CCDC3: variants seen among roughly 807,000 people sequenced by gnomAD.
The protein encoded by CCDC3 is coiled-coil domain containing 3, also known as coiled-coil domain-containing protein 3.
In CCDC3, 24 loss-of-function variants were observed where a neutral mutation model predicts 21.4. The observed-to-expected ratio is 1.12, with a 90% CI of 0.81 to 1.58. The LOEUF (loss-of-function observed/expected upper bound fraction) is 1.58, where lower values mean the gene tolerates loss of function less well. Ranked by LOEUF, CCDC3 falls within the 40% of genes most tolerant of loss-of-function variation. The pLI is 0.00. For missense variants in CCDC3, 425 were observed against 360.9 expected, an observed-to-expected ratio of 1.18 and a Z score of -1.44; for synonymous variants, 186 against 166.0, an observed-to-expected ratio of 1.12 and a Z score of -0.93.
intron 2 of CCDC3, among the ~76,000 whole-genome samples, chr10:12,914,794 G>C (rs1310756025): frequency 1.3e-5 from 2 of 152,024 alleles, no homozygotes; most frequent in African/African-American, 2.4e-5. Flanking sequence ...TGTCAGTTTT[G>C]TCTTTTCAAA....
At chr10:13,071,578 C>G (rs1836882945) in intron 4 of CCDC3, among the ~76,000 whole-genome samples, 1 of 152,212 alleles carries the variant, frequency 6.6e-6, no homozygotes, top group Non-Finnish European at 1.5e-5. Context: ...ATATTCCCAT[C>G]CCTTAGGCCC....
intron 5 of CCDC3, among the ~76,000 whole-genome samples, chr10:13,031,079 G>A (rs1836294016): frequency 6.6e-6 from 1 of 152,066 alleles, no homozygotes; most frequent in Non-Finnish European, 1.5e-5. Flanking sequence ...TTCCAAAATT[G>A]ACCACATAGT....
At chr10:13,068,247 A>C (rs11258167) in intron 4 of CCDC3, among the ~76,000 whole-genome samples, 85,785 of 151,516 alleles carry the variant, frequency 0.57, 24,635 homozygotes, top group Admixed American at 0.64. Context: ...TTAAAAGGCA[A>C]CACCCGGAAG....
chr10:13,076,237 TAG>T (rs1836963242), intron 3 of CCDC3, among the ~76,000 whole-genome samples: 1 of 151,832 alleles, frequency 6.6e-6, no homozygotes. Flanking sequence ...AAACGAAAAA[TAG>T]AGAGGATAAA....
intron 2 of CCDC3, among the ~76,000 whole-genome samples, chr10:12,918,924 G>A (rs1175064864): frequency 6.6e-6 from 1 of 152,118 alleles, no homozygotes; most frequent in Non-Finnish European, 1.5e-5. Flanking sequence ...GCATGGTGGT[G>A]GGCGCCTGTA....
chr10:12,979,890 G>A (rs1221174656), intron 2 of CCDC3, among the ~76,000 whole-genome samples: 4 of 152,228 alleles, frequency 2.6e-5, no homozygotes, highest in East Asian at 3.9e-4. Flanking sequence ...AAGGGCACAG[G>A]CCTGTGCACT....
chr10:13,080,646 C>A (rs1837027610), intron 3 of CCDC3, among the ~76,000 whole-genome samples: 1 of 152,210 alleles, frequency 6.6e-6, no homozygotes, highest in Non-Finnish European at 1.5e-5. Context: ...TAAAGAAAAT[C>A]TTATTCCAAC....
chr10:12,986,443 C>G (rs1835591560), intron 2 of CCDC3, among the ~76,000 whole-genome samples: 1 of 152,174 alleles, frequency 6.6e-6, no homozygotes, highest in Non-Finnish European at 1.5e-5. Flanking sequence ...GCCTGTGAAT[C>G]TAAGATTATT....
chr10:12,909,062 G>C (rs928890603), intron 2 of CCDC3, among the ~76,000 whole-genome samples: 6 of 152,136 alleles, frequency 3.9e-5, no homozygotes, highest in African/African-American at 1.2e-4. Context: ...TGGTATCCTT[G>C]GACACTCATG....
chr10:12,940,999 G>T (rs1459081752), intron 2 of CCDC3, among the ~76,000 whole-genome samples: 1 of 152,160 alleles, frequency 6.6e-6, no homozygotes, highest in East Asian at 1.9e-4. Context: ...ACTCCATTTT[G>T]TGTAGAGGCT....
intron 5 of CCDC3, among the ~76,000 whole-genome samples, chr10:13,026,328 C>A (rs1836215040): frequency 6.6e-6 from 1 of 152,202 alleles, no homozygotes; most frequent in African/African-American, 2.4e-5. Flanking sequence ...CCTCATCATA[C>A]CTTAATAACC....
chr10:13,097,078 T>C (rs1832636249), intron 3 of CCDC3, among the ~76,000 whole-genome samples: 1 of 152,028 alleles, frequency 6.6e-6, no homozygotes, highest in Admixed American at 6.6e-5. Context: ...ACAGAGGAGA[T>C]TGGGGTGGAA....
chr10:13,068,957 G>A (rs1836852327), intron 4 of CCDC3, among the ~76,000 whole-genome samples: 2 of 152,192 alleles, frequency 1.3e-5, no homozygotes, highest in Non-Finnish European at 2.9e-5. Flanking sequence ...GATGAAAGGA[G>A]TATAAAAATT....
At chr10:13,041,125 T>A (rs1310465872) in intron 5 of CCDC3, among the ~76,000 whole-genome samples, 8 of 152,076 alleles carry the variant, frequency 5.3e-5, no homozygotes, top group African/African-American at 1.2e-4. Flanking sequence ...AGAAAAAAAA[T>A]TTCTCCTCTA....
intron 2 of CCDC3, among the ~76,000 whole-genome samples, chr10:12,947,692 C>T (rs1025376738): frequency 1.3e-5 from 2 of 152,204 alleles, no homozygotes; most frequent in Admixed American, 6.5e-5. Context: ...CAGTACCTGA[C>T]TGAGTAGAAT....
chr10:13,024,518 A>G (rs1836190856), intron 5 of CCDC3, among the ~76,000 whole-genome samples: 1 of 152,178 alleles, frequency 6.6e-6, no homozygotes, highest in Non-Finnish European at 1.5e-5. Flanking sequence ...TTTCACTCCC[A>G]GCACCCTGCA....
intron 2 of CCDC3, among the ~76,000 whole-genome samples, chr10:12,944,641 A>C (rs1015158314): frequency 1.3e-5 from 2 of 152,222 alleles, no homozygotes; most frequent in African/African-American, 2.4e-5. Context: ...TTCTTAACTT[A>C]GGCAAAATAA....
chr10:12,995,601 A>C (rs1835749061), intron 2 of CCDC3, among the ~76,000 whole-genome samples: 1 of 152,200 alleles, frequency 6.6e-6, no homozygotes, highest in South Asian at 2.1e-4. Context: ...GTAGGGAGTA[A>C]AAACGGCACA....
chr10:13,059,546 G>C (rs1462990662), intron 4 of CCDC3, among the ~76,000 whole-genome samples: 1 of 152,192 alleles, frequency 6.6e-6, no homozygotes, highest in Admixed American at 6.5e-5. Context: ...GGTAGACAGC[G>C]AGAGATGGGG....
Sources: gnomAD v4.1 joint callset for allele counts (sites outside exome capture counted in the v4.1 genomes callset) on GRCh38, gnomAD v4.1.1 for gene constraint, MANE v1.5 for transcripts, NCBI Gene and HGNC (gene_info 2026-07-23, HGNC 2026-07-21) for gene names.